Variants in STAG2 observed in about 807,000 individuals in gnomAD.
STAG2 encodes the protein STAG2 cohesin complex component.
Under a neutral mutation model 108.1 loss-of-function variants are expected in STAG2, and 14 were observed. That is an observed-to-expected ratio of 0.13 (90% CI 0.09 to 0.20). STAG2 has a LOEUF of 0.20. STAG2 is among the 10% of genes least tolerant of loss of function. The pLI, the probability that STAG2 is intolerant of heterozygous loss-of-function variation, is 1.00. For synonymous variants in STAG2, 307 were observed against 302.7 expected (o/e 1.01, Z -0.15); for missense variants, 440 against 940.9 (o/e 0.47, Z 6.96).
intron 1 of STAG2, among the ~76,000 whole-genome samples, chrX:124,014,423 C>T (rs2056630392): frequency 9.1e-6 from 1 of 109,967 alleles, no homozygotes; most frequent in African/African-American, 3.3e-5. Flanking sequence ...TGCAGTGGCA[C>T]GATCTCGGCT....
At chrX:124,041,856 T>G (rs2057732193) in intron 6 of STAG2, among the ~76,000 whole-genome samples, 1 of 112,040 alleles carries the variant, frequency 8.9e-6, no homozygotes, top group African/African-American at 3.2e-5. Flanking sequence ...ATTGTTTCTC[T>G]TTGACATAGT....
At chrX:124,039,216 C>T (rs1181378351) in intron 6 of STAG2, among the ~76,000 whole-genome samples, 4 of 107,562 alleles carry the variant, frequency 3.7e-5, no homozygotes, top group Admixed American at 2.0e-4. Context: ...AGTGTAGTGT[C>T]GTGATCATGG....
At chrX:123,971,559 G>GC (rs1244645488) in intron 1 of STAG2, among the ~76,000 whole-genome samples, 1 of 111,954 alleles carries the variant, frequency 8.9e-6, no homozygotes, top group African/African-American at 3.3e-5. Context: ...ATGGTCAATA[G>GC]TAAAAAGACA....
intron 1 of STAG2, among the ~76,000 whole-genome samples, chrX:124,008,609 G>A (rs891788205): frequency 2.7e-5 from 3 of 111,789 alleles, no homozygotes; most frequent in African/African-American, 9.8e-5. Flanking sequence ...CTCCTAAAGT[G>A]CTGGATTAGG....
chrX:124,071,389 A>C, intron 25 of STAG2, 66 bp downstream of exon 25: 1 of 891,673 alleles, frequency 1.1e-6, no homozygotes, highest in South Asian at 3.1e-5. Context: ...AGTAACAATG[A>C]TGTACATCGG....
At chrX:124,098,546 A>C (rs1234360780) in intron 34 of STAG2, among the ~76,000 whole-genome samples, 1 of 111,584 alleles carries the variant, frequency 9.0e-6, no homozygotes, top group Non-Finnish European at 1.9e-5. Flanking sequence ...AGTCATCTAA[A>C]CAGTAGCAAA....
intron 14 of STAG2, among the ~76,000 whole-genome samples, chrX:124,056,500 G>A (rs12836364): frequency 0.034 from 3,674 of 109,339 alleles, 60 homozygotes; most frequent in Non-Finnish European, 0.048. Flanking sequence ...TTGGGAGGCC[G>A]AGGCGGGTGG....
rs5958369 is a variant in STAG2 at position 123,992,081 on chromosome X, A to G, written c.-162-29286A>G. 3.5e-3 allele frequency among the ~76,000 whole-genome samples: 394 copies of G among 112,234 alleles called. 1 individual carries two copies. Among genetic ancestry groups the G allele is most frequent in the African/African-American group, 0.012 (365 of 30,880 alleles). On this transcript the variant is annotated intron_variant, in intron 1 of 34. Coordinates refer to ENST00000371145, the MANE Select transcript of STAG2 (RefSeq NM_001042750.2). ...AGATGCAAATATTGGGCCATTTTAT[A>G]TAAGGGACTTGAGCAACTATGGATT...
At chrX:124,015,097 C>T (rs1478500522) in intron 1 of STAG2, among the ~76,000 whole-genome samples, 3 of 94,493 alleles carry the variant, frequency 3.2e-5, no homozygotes, top group African/African-American at 1.2e-4. Flanking sequence ...CGCCATTCTT[C>T]TGCCTCAGCC....
intron 32 of STAG2, among the ~76,000 whole-genome samples, chrX:124,091,271 G>A (rs1369918302): frequency 9.0e-6 from 1 of 111,342 alleles, no homozygotes; most frequent in Non-Finnish European, 1.9e-5. Context: ...TCCCAACTTA[G>A]TTCAGGCCCT....
intron 1 of STAG2, among the ~76,000 whole-genome samples, chrX:123,973,808 C>T (rs1391045947): frequency 1.9e-5 from 2 of 106,842 alleles, no homozygotes; most frequent in African/African-American, 6.9e-5. Flanking sequence ...CACGCCATTG[C>T]ACTCCAGCCT....
chrX:123,969,679 C>T (rs1300453444), intron 1 of STAG2, among the ~76,000 whole-genome samples: 3 of 109,388 alleles, frequency 2.7e-5, no homozygotes, highest in African/African-American at 6.6e-5. Context: ...TGGAGTTTCG[C>T]GCTTGTTGCC....
intron 13 of STAG2, among the ~76,000 whole-genome samples, chrX:124,053,562 C>T (rs762004273): frequency 9.1e-6 from 1 of 110,423 alleles, no homozygotes; most frequent in East Asian, 2.8e-4. Flanking sequence ...GAGGACTAGC[C>T]CAATGTATTT....
intron 30 of STAG2, among the ~76,000 whole-genome samples, chrX:124,087,776 G>T (rs2059142608): frequency 8.9e-6 from 1 of 112,530 alleles, no homozygotes; most frequent in Admixed American, 9.4e-5. Context: ...GAACGTCAAA[G>T]AATTTTGGGG....
chrX:123,987,397 C>T (rs1328527027), intron 1 of STAG2, among the ~76,000 whole-genome samples: 1 of 111,116 alleles, frequency 9.0e-6, no homozygotes, highest in East Asian at 2.8e-4. Context: ...TACAGGCATG[C>T]ACCACCATGC....
intron 1 of STAG2, among the ~76,000 whole-genome samples, chrX:123,975,812 A>G (rs2054592017): frequency 8.9e-6 from 1 of 112,372 alleles, no homozygotes; most frequent in African/African-American, 3.2e-5. Flanking sequence ...ATAAAGTGCT[A>G]CTGTTCATTG....
At chrX:124,063,292 T>A in intron 19 of STAG2, 87 bp downstream of exon 19, 1 of 741,695 alleles carries the variant, frequency 1.3e-6, no homozygotes. Flanking sequence ...CTTAAAATGT[T>A]TTTTTGGAAC....
chrX:123,977,712 T>G (rs905113613), intron 1 of STAG2, among the ~76,000 whole-genome samples: 1 of 110,907 alleles, frequency 9.0e-6, no homozygotes, highest in African/African-American at 3.3e-5. Flanking sequence ...GATGCTATTA[T>G]TATTTTCTGT....
intron 6 of STAG2, among the ~76,000 whole-genome samples, chrX:124,040,854 C>CTTTT (rs1163780101): frequency 1.9e-3 from 142 of 76,613 alleles, no homozygotes; most frequent in African/African-American, 2.0e-3. Flanking sequence ...CCTCTTCTCT[C>CTTTT]TTTTTTTTTT....
Sources: allele counts gnomAD v4.1 joint callset (sites outside exome capture counted in the v4.1 genomes callset), GRCh38; gene constraint gnomAD v4.1.1; transcripts MANE v1.5; gene names NCBI Gene and HGNC (gene_info 2026-07-23, HGNC 2026-07-21).